Variants in RBFOX1 observed in about 807,000 individuals in gnomAD.
The protein encoded by RBFOX1 is RNA binding fox-1 homolog 1.
In RBFOX1, 8 loss-of-function variants were observed where a neutral mutation model predicts 57.7. The observed-to-expected ratio is 0.14, with a 90% confidence interval of 0.08 to 0.25. The LOEUF (loss-of-function observed/expected upper bound fraction) is 0.25, where lower values mean the gene tolerates loss of function less well. RBFOX1 is among the 10% of genes least tolerant of loss of function. RBFOX1 has a pLI of 1.00. For synonymous variants in RBFOX1, 326 were observed against 222.4 expected, an observed-to-expected ratio of 1.47 and a Z score of -4.15; for missense variants, 611 against 548.5, an observed-to-expected ratio of 1.11 and a Z score of -1.14.
chr16:6,053,055 A>C (rs2095572766), intron 1 of RBFOX1, among the ~76,000 whole-genome samples: 1 of 152,002 alleles, frequency 6.6e-6, no homozygotes, highest in African/African-American at 2.4e-5. Context: ...CATTTTCTTT[A>C]AATTGGGAAG....
chr16:7,189,173 C>T (rs894559265), intron 4 of RBFOX1, among the ~76,000 whole-genome samples: 4 of 151,952 alleles, frequency 2.6e-5, no homozygotes, highest in East Asian at 1.9e-4. Flanking sequence ...TGCCTGTAAT[C>T]CCAGCACTTT....
chr16:6,998,286 G>T (rs2092441718), intron 3 of RBFOX1, among the ~76,000 whole-genome samples: 1 of 152,142 alleles, frequency 6.6e-6, no homozygotes, highest in Non-Finnish European at 1.5e-5. Context: ...ACTGGCTTAG[G>T]AGAGGAGACT....
chr16:5,317,928 T>A (rs2064287354), intron 1 of RBFOX1, among the ~76,000 whole-genome samples: 1 of 152,184 alleles, frequency 6.6e-6, no homozygotes, highest in African/African-American at 2.4e-5. Context: ...CAATAACTTC[T>A]CATTTCCCCT....
intron 2 of RBFOX1, among the ~76,000 whole-genome samples, chr16:6,647,172 C>A (rs1260914131): frequency 1.3e-5 from 2 of 152,098 alleles, no homozygotes; most frequent in Admixed American, 6.5e-5. Context: ...GCTTACGCTA[C>A]CAGAGAGAGA....
Position 5,319,255 on chromosome 16 carries a change from G to C in RBFOX1, c.219+79150G>C, listed in dbSNP as rs190704203. On this transcript the variant is annotated intron_variant, in intron 1 of 2. Coordinates refer to the RBFOX1 transcript ENST00000585867. ...TGTGATGGAGAGGGCCATGTGGTAAGGACTATGAGTGACCTGTAGAAGCTG... is the reference window on the plus strand; with the variant it reads ...TGTGATGGAGAGGGCCATGTGGTAACGACTATGAGTGACCTGTAGAAGCTG... 2.6e-5 allele frequency among the ~76,000 whole-genome samples: 4 copies of C among 152,330 alleles called. No homozygotes were observed. In the East Asian group the frequency reaches 7.7e-4, roughly 29 times the overall value.
At chr16:6,983,326 G>A (rs369732794) in intron 3 of RBFOX1, among the ~76,000 whole-genome samples, 17 of 152,228 alleles carry the variant, frequency 1.1e-4, no homozygotes, top group African/African-American at 3.4e-4. Flanking sequence ...TTCTTTAGCC[G>A]TAAATAAATG....
At chr16:5,558,257 C>G (rs1245907602) in intron 2 of RBFOX1, among the ~76,000 whole-genome samples, 1 of 152,182 alleles carries the variant, frequency 6.6e-6, no homozygotes, top group Non-Finnish European at 1.5e-5. Flanking sequence ...CACAAGCTGT[C>G]TGCAGCATGC....
intron 4 of RBFOX1, among the ~76,000 whole-genome samples, chr16:7,459,881 T>A (rs1282015941): frequency 1.3e-5 from 2 of 152,182 alleles, no homozygotes; most frequent in Non-Finnish European, 2.9e-5. Context: ...GGTAAAAGTT[T>A]TGTATTTTAT....
intron 2 of RBFOX1, among the ~76,000 whole-genome samples, chr16:5,482,507 C>T (rs1273191307): frequency 6.6e-6 from 1 of 152,176 alleles, no homozygotes; most frequent in Non-Finnish European, 1.5e-5. Context: ...AGCGTCTGAG[C>T]CAGGGAGAAA....
intron 4 of RBFOX1, among the ~76,000 whole-genome samples, chr16:7,088,001 G>T (rs950318644): frequency 2.0e-5 from 3 of 152,160 alleles, no homozygotes; most frequent in Non-Finnish European, 4.4e-5. Flanking sequence ...GATTATACTT[G>T]TGGCAGAATA....
intron 4 of RBFOX1, among the ~76,000 whole-genome samples, chr16:7,392,634 C>T (rs1220980392): frequency 6.6e-6 from 1 of 152,078 alleles, no homozygotes; most frequent in African/African-American, 2.4e-5. Flanking sequence ...TCTCCTAATC[C>T]CCTATAGGTT....
intron 3 of RBFOX1, among the ~76,000 whole-genome samples, chr16:6,680,135 A>G (rs1423077093): frequency 2.0e-5 from 3 of 152,034 alleles, no homozygotes; most frequent in African/African-American, 4.8e-5. Flanking sequence ...TAGAAGGACT[A>G]CCACATAGGG....
chr16:6,081,517 G>A (rs2152508058), intron 1 of RBFOX1, among the ~76,000 whole-genome samples: 1 of 152,298 alleles, frequency 6.6e-6, no homozygotes, highest in South Asian at 2.1e-4. Flanking sequence ...TAGGGACCAA[G>A]TGGTTTGTTG....
rs557259586 is a variant in RBFOX1 at position 7,208,339 on chromosome 16, G to A, written c.27+156241G>A. Among the ~76,000 whole-genome samples the A allele has an allele frequency of 2.0e-5, 3 of 152,292 alleles. No homozygotes were observed. The South Asian group carries it at 6.2e-4, about 32-fold the overall frequency. The stretch of plus-strand genomic sequence containing the variant: ...GTGTTTCAGTAAGGGAGTAGCTAAC[G>A]CTGGGGAATTTATAAAGAAAAGAGG... On this transcript the variant is annotated intron_variant, in intron 4 of 15. Transcript: ENST00000550418.
intron 2 of RBFOX1, among the ~76,000 whole-genome samples, chr16:6,639,390 C>A (rs1375490562): frequency 6.6e-6 from 1 of 152,122 alleles, no homozygotes; most frequent in East Asian, 1.9e-4. Context: ...ATCAGCTTCC[C>A]TTCCCAGGAG....
At chr16:5,824,068 C>G (rs1470838329) in intron 3 of RBFOX1, among the ~76,000 whole-genome samples, 3 of 152,188 alleles carry the variant, frequency 2.0e-5, no homozygotes, top group Admixed American at 6.5e-5. Context: ...GATATTGTGA[C>G]TTACTAGTGA....
chr16:7,169,329 G>T (rs2080210766), intron 4 of RBFOX1, among the ~76,000 whole-genome samples: 1 of 152,158 alleles, frequency 6.6e-6, no homozygotes, highest in Non-Finnish European at 1.5e-5. Flanking sequence ...ATATATCAGG[G>T]TTTCTGAATC....
intron 4 of RBFOX1, among the ~76,000 whole-genome samples, chr16:7,461,939 T>G (rs2150564529): frequency 6.6e-6 from 1 of 152,326 alleles, no homozygotes; most frequent in Non-Finnish European, 1.5e-5. Flanking sequence ...TGTTCTTGTC[T>G]TTTAATTTTT....
chr16:7,396,771 C>T (rs956211306), intron 4 of RBFOX1, among the ~76,000 whole-genome samples: 1 of 152,120 alleles, frequency 6.6e-6, no homozygotes, highest in African/African-American at 2.4e-5. Flanking sequence ...GAAACTGCAT[C>T]TCTACTAAAA....
Sources: gnomAD v4.1 joint callset for allele counts (sites outside exome capture counted in the v4.1 genomes callset) on GRCh38, gnomAD v4.1.1 for gene constraint, MANE v1.5 for transcripts, NCBI Gene and HGNC (gene_info 2026-07-23, HGNC 2026-07-21) for gene names.